Variants in MGAT4C observed in about 807,000 individuals in gnomAD.
MGAT4C encodes the protein alpha-1,3-mannosyl-glycoprotein 4-beta-N-acetylglucosaminyltransferase C.
In MGAT4C, 19 loss-of-function variants were observed where a neutral mutation model predicts 40.1. The observed-to-expected ratio is 0.47, with a 90% CI of 0.33 to 0.70. The LOEUF (loss-of-function observed/expected upper bound fraction) is 0.70, where lower values mean the gene tolerates loss of function less well. MGAT4C is among the 30% of genes least tolerant of loss of function. MGAT4C has a pLI of 0.02. For missense variants in MGAT4C, 491 were observed against 563.2 expected (o/e 0.87, Z 1.30); for synonymous variants, 181 against 187.1 (o/e 0.97, Z 0.27).
At chr12:86,429,467 G>A (rs759662614) in intron 3 of MGAT4C, among the ~76,000 whole-genome samples, 1 of 152,092 alleles carries the variant, frequency 6.6e-6, no homozygotes, top group Non-Finnish European at 1.5e-5. Flanking sequence ...GTTTATCTCT[G>A]TTAGGACCAT....
intron 3 of MGAT4C, among the ~76,000 whole-genome samples, chr12:86,351,282 C>T (rs1955155407): frequency 6.6e-6 from 1 of 151,782 alleles, no homozygotes; most frequent in African/African-American, 2.4e-5. Flanking sequence ...ATAACAATAC[C>T]TGTACTCTTG....
At chr12:86,254,711 C>G (rs1013790633) in intron 1 of MGAT4C, among the ~76,000 whole-genome samples, 1 of 151,918 alleles carries the variant, frequency 6.6e-6, no homozygotes, top group Non-Finnish European at 1.5e-5. Context: ...CAGAATATAC[C>G]AACTTAAATT....
chr12:86,545,741 C>T (rs946046965), intron 2 of MGAT4C, among the ~76,000 whole-genome samples: 2 of 151,396 alleles, frequency 1.3e-5, no homozygotes, highest in African/African-American at 2.4e-5. Context: ...CTTTAACTCT[C>T]GGCTTGATAG....
rs1282715975 is a variant in MGAT4C at position 86,129,673 on chromosome 12, C to G, written c.-56-79950G>C. On this transcript the variant is annotated intron_variant, in intron 1 of 4. Coordinates refer to ENST00000611864, the MANE Select transcript of MGAT4C (RefSeq NM_001351288.2). The stretch of plus-strand genomic sequence containing the variant: ...CTCCCGGGTTCACGCCATTCTCCTG[C>G]CTCAGCCTCCCAAGTAGCTGGGACT... Among the ~76,000 whole-genome samples, 4 of 50,378 alleles carry G rather than the reference C, an allele frequency of 7.9e-5. 2 individuals carry two copies. The highest frequency in any genetic ancestry group is 4.5e-4 in the Admixed American group (2 of 4,424). 33.0% of individuals were successfully genotyped at this position (50,378 alleles called of 152,430 possible).
In MGAT4C at chr12:86,067,371, T is replaced by C. The variant is rs1332274706; in HGVS notation, c.-56-17648A>G. ...GTCACATATACACTATGGAATACTA[T>C]GTAGCCATAAAAAGGATGAGTTCAT... is the stretch of plus-strand genomic sequence containing the variant. On this transcript the variant is annotated intron_variant, in intron 1 of 4. Coordinates refer to ENST00000611864, the MANE Select transcript of MGAT4C (RefSeq NM_001351288.2). Among the ~76,000 whole-genome samples, 4 of 152,152 alleles carry C rather than the reference T, an allele frequency of 2.6e-5. No individual in the cohort carries two copies. The East Asian group carries it at 5.8e-4, about 22-fold the overall frequency.
At chr12:86,788,612 T>G (rs1447479426) in intron 1 of MGAT4C, among the ~76,000 whole-genome samples, 2 of 152,312 alleles carry the variant, frequency 1.3e-5, no homozygotes, top group East Asian at 1.9e-4. Context: ...TGCTTAAAAC[T>G]AAAGTACTTT....
intron 1 of MGAT4C, among the ~76,000 whole-genome samples, chr12:86,767,969 C>T (rs1351591419): frequency 6.6e-6 from 1 of 152,130 alleles, no homozygotes; most frequent in Non-Finnish European, 1.5e-5. Flanking sequence ...GACAGGGATG[C>T]CCTCTCTCAC....
intron 2 of MGAT4C, among the ~76,000 whole-genome samples, chr12:85,989,902 G>A (rs1885690766): frequency 6.6e-6 from 1 of 152,088 alleles, no homozygotes. Context: ...TGTCATCAGT[G>A]AGGTATAACT....
At chr12:86,055,047 A>C (rs563330020) in intron 1 of MGAT4C, among the ~76,000 whole-genome samples, 2 of 151,972 alleles carry the variant, frequency 1.3e-5, no homozygotes, top group Non-Finnish European at 2.9e-5. Context: ...GACCCTTTCT[A>C]TTTTGTGCAA....
chr12:86,479,391 C>T (rs1410965467), intron 2 of MGAT4C, among the ~76,000 whole-genome samples: 2 of 151,834 alleles, frequency 1.3e-5, no homozygotes, highest in Non-Finnish European at 2.9e-5. Context: ...AGTCATGATA[C>T]TCTCTTGGGT....
At chr12:86,233,332 G>A (rs766537854) in intron 1 of MGAT4C, among the ~76,000 whole-genome samples, 1 of 152,156 alleles carries the variant, frequency 6.6e-6, no homozygotes, top group East Asian at 1.9e-4. Flanking sequence ...AAGCCAAGGG[G>A]CCAGTACTTA....
chr12:86,699,044 A>G (rs1216269844), intron 2 of MGAT4C, among the ~76,000 whole-genome samples: 2 of 152,176 alleles, frequency 1.3e-5, no homozygotes, highest in Non-Finnish European at 2.9e-5. Flanking sequence ...GGATTAATTT[A>G]TATTGCAAAA....
chr12:86,666,154 T>C (rs1464640897), intron 2 of MGAT4C, among the ~76,000 whole-genome samples: 1 of 152,196 alleles, frequency 6.6e-6, no homozygotes, highest in East Asian at 1.9e-4. Flanking sequence ...TTCTTCATAC[T>C]GTCCTCTATT....
At position 86,106,113 on chromosome 12, in the gene MGAT4C, A is replaced by G. The variant is rs117997246; in HGVS notation, c.-56-56390T>C. 5.1e-3 allele frequency among the ~76,000 whole-genome samples: 779 copies of G among 152,160 alleles called. 4 individuals are homozygous for G. Among genetic ancestry groups the G allele is most frequent in the Middle Eastern group, 0.01 (3 of 294 alleles). On this transcript the variant is annotated intron_variant, in intron 1 of 4. Coordinates refer to ENST00000611864, the MANE Select transcript of MGAT4C (RefSeq NM_001351288.2). ...AATATGTACTAATAGTGCTTCCCCA[A>G]TTGTTTTACTTTCAGGCATTATTTT...
chr12:86,831,879 C>T (rs1164458149), intron 1 of MGAT4C, among the ~76,000 whole-genome samples: 1 of 151,768 alleles, frequency 6.6e-6, no homozygotes, highest in Non-Finnish European at 1.5e-5. Context: ...GATTGACAAC[C>T]TTTCTCTTTA....
At chr12:86,082,775 C>T (rs1871084454) in intron 1 of MGAT4C, among the ~76,000 whole-genome samples, 1 of 151,986 alleles carries the variant, frequency 6.6e-6, no homozygotes, top group Non-Finnish European at 1.5e-5. Flanking sequence ...AGGGTTTTTA[C>T]AAATCCAAAG....
At chr12:86,737,864 G>A (rs868082989) in intron 1 of MGAT4C, among the ~76,000 whole-genome samples, 8 of 151,338 alleles carry the variant, frequency 5.3e-5, no homozygotes, top group Admixed American at 2.0e-4. Context: ...ATTCTTGCTT[G>A]CACACTAGTC....
intron 1 of MGAT4C, among the ~76,000 whole-genome samples, chr12:86,797,356 T>G (rs1354945113): frequency 6.6e-6 from 1 of 151,876 alleles, no homozygotes; most frequent in Non-Finnish European, 1.5e-5. Flanking sequence ...AGTTTTTTTT[T>G]TTACTTTTTA....
chr12:86,424,444 GT>G (rs1328032771), intron 3 of MGAT4C, among the ~76,000 whole-genome samples: 1 of 152,090 alleles, frequency 6.6e-6, no homozygotes, highest in African/African-American at 2.4e-5. Flanking sequence ...GTGAAAAAAT[GT>G]TGGCTATATA....
Sources: allele counts gnomAD v4.1 joint callset (sites outside exome capture counted in the v4.1 genomes callset), GRCh38; gene constraint gnomAD v4.1.1; transcripts MANE v1.5; gene names NCBI Gene and HGNC (gene_info 2026-07-23, HGNC 2026-07-21).